Variants in PFKFB1 observed in about 807,000 individuals in gnomAD.
The protein encoded by PFKFB1 is 6-phosphofructo-2-kinase/fructose-2,6-biphosphatase 1.
A neutral mutation model predicts 46.4 loss-of-function variants in PFKFB1; 34 were observed. That is an observed-to-expected ratio of 0.73 (90% CI 0.56 to 0.98). The LOEUF is 0.98. PFKFB1 is among the 50% of genes least tolerant of loss of function. PFKFB1 has a pLI of 0.00. For missense variants in PFKFB1, 393 were observed against 376.3 expected (o/e 1.04, Z -0.37); for synonymous variants, 119 against 133.8 (o/e 0.89, Z 0.76).
intron 7 of PFKFB1, among the ~76,000 whole-genome samples, chrX:54,955,197 T>C (rs775036825): frequency 1.8e-5 from 2 of 111,653 alleles, no homozygotes; most frequent in South Asian, 7.6e-4. Context: ...ACTCATTCAT[T>C]GTGTAGCCCA....
At chrX:54,985,336 A>G (rs1418029980) in intron 1 of PFKFB1, among the ~76,000 whole-genome samples, 1 of 111,727 alleles carries the variant, frequency 9.0e-6, no homozygotes, top group Non-Finnish European at 1.9e-5. Context: ...ACAAAAAACA[A>G]AAACAAAATA....
rs369550583 is a variant in PFKFB1 at position 54,952,060 on chromosome X, G to A, written c.691C>T (p.Arg231Ter). ...FDVGTRYMVN[R>*]VQDHIQSRTV... ...CGGCTCTGGATGTGATCCTGCACTC[G>A]GTTCACCATGTAGCGTGTGCCCACG... The change falls in exon 8 of 14, where the codon CGA becomes TGA. Residue 231 changes from arginine (R) to a stop codon, truncating the protein, a stop_gained. Coordinates refer to ENST00000375006, the MANE Select transcript of PFKFB1 (RefSeq NM_002625.4). LOFTEE classifies it high-confidence loss of function. The A allele has an allele frequency of 2.7e-5, 33 of 1,209,703 alleles. No individual in the cohort carries two copies. The highest frequency in any genetic ancestry group is 3.6e-5 in the Non-Finnish European group (32 of 894,933).
chrX:54,936,947 T>C (rs182804647), intron 11 of PFKFB1, among the ~76,000 whole-genome samples: 134 of 111,126 alleles, frequency 1.2e-3, no homozygotes, highest in African/African-American at 4.3e-3. Flanking sequence ...TGGAATCTCA[T>C]GCCTGAAAGT....
At chrX:54,981,180 C>G (rs1374714230) in intron 1 of PFKFB1, among the ~76,000 whole-genome samples, 6 of 110,065 alleles carry the variant, frequency 5.5e-5, no homozygotes, top group Non-Finnish European at 1.1e-4. Flanking sequence ...AATTACAGTT[C>G]CAGAAAGAAA....
intron 9 of PFKFB1, among the ~76,000 whole-genome samples, chrX:54,946,695 GA>G (rs1371698295): frequency 1.8e-5 from 2 of 112,027 alleles, no homozygotes; most frequent in Admixed American, 9.4e-5. Context: ...GTCGCCTATG[GA>G]AATGGTCATT....
At chrX:54,954,091 A>G (rs1023999185) in intron 7 of PFKFB1, among the ~76,000 whole-genome samples, 3 of 112,002 alleles carry the variant, frequency 2.7e-5, no homozygotes, top group Admixed American at 9.4e-5. Context: ...TTTTTAAAAA[A>G]TTTTTAAATT....
At chrX:54,993,708 G>T (rs1225237039) in intron 1 of PFKFB1, among the ~76,000 whole-genome samples, 1 of 112,069 alleles carries the variant, frequency 8.9e-6, no homozygotes, top group African/African-American at 3.2e-5. Context: ...ATCCTCCTTT[G>T]TCTTCATCTC....
At chrX:54,935,382 A>G (rs1392617597) in intron 11 of PFKFB1, among the ~76,000 whole-genome samples, 2 of 111,648 alleles carry the variant, frequency 1.8e-5, no homozygotes, top group East Asian at 2.9e-4. Context: ...CCCACAGTTC[A>G]CGTCAGCAAG....
intron 1 of PFKFB1, among the ~76,000 whole-genome samples, chrX:54,988,971 C>A (rs1485086874): frequency 8.9e-6 from 1 of 111,956 alleles, no homozygotes; most frequent in Non-Finnish European, 1.9e-5. Flanking sequence ...AAGAAACGAG[C>A]CAGATACAAA....
At chrX:54,971,647 T>G (rs1158352476) in intron 1 of PFKFB1, among the ~76,000 whole-genome samples, 38 of 112,127 alleles carry the variant, frequency 3.4e-4, no homozygotes, top group Non-Finnish European at 5.3e-4. Context: ...CAGATAGTTG[T>G]AGATATGCGG....
chrX:54,953,347 G>A (rs781655411), intron 7 of PFKFB1, among the ~76,000 whole-genome samples: 1 of 112,195 alleles, frequency 8.9e-6, no homozygotes, highest in South Asian at 3.7e-4. Context: ...GCCCTTTATG[G>A]CTGCACCACA....
At chrX:54,952,210 C>T (rs1934006802) in intron 7 of PFKFB1, 98 bp from the exon 8 acceptor site, 1 of 608,190 alleles carries the variant, frequency 1.6e-6, no homozygotes, top group South Asian at 2.6e-5. Context: ...TTTCAAACCT[C>T]TTCCACAACC....
At chrX:54,998,525 G>A (rs774188691), upstream of PFKFB1, 8 of 760,897 alleles carry the variant, frequency 1.1e-5, no homozygotes, top group South Asian at 1.4e-4. Context: ...GGAGGTGTTC[G>A]TTGGTTCCCT....
At chrX:54,949,321 T>C (rs1933895955) in intron 8 of PFKFB1, 100 bp from the exon 9 acceptor site, 1 of 642,627 alleles carries the variant, frequency 1.6e-6, no homozygotes, top group Admixed American at 3.6e-5. Context: ...ACAAATTGAG[T>C]GGTGATGAAC....
chrX:54,957,857 A>C (rs1241913459), intron 6 of PFKFB1, among the ~76,000 whole-genome samples: 1 of 111,396 alleles, frequency 9.0e-6, no homozygotes, highest in Admixed American at 9.5e-5. Context: ...CATGTCTAGA[A>C]TCTAAGAGCA....
intron 9 of PFKFB1, 91 bp downstream of exon 9, chrX:54,948,984 T>G: frequency 3.0e-6 from 3 of 1,002,972 alleles, no homozygotes; most frequent in Non-Finnish European, 2.7e-6. Context: ...TTAATTAGGC[T>G]CCCCATAGGG....
At chrX:54,971,451 TA>T (rs1475577802) in intron 1 of PFKFB1, among the ~76,000 whole-genome samples, 26 of 111,118 alleles carry the variant, frequency 2.3e-4, no homozygotes, top group Admixed American at 8.6e-4. Context: ...GGTTTTCTTC[TA>T]GGGTTTTTAT....
chrX:54,972,602 G>T (rs1327712189), intron 1 of PFKFB1, among the ~76,000 whole-genome samples: 2 of 111,440 alleles, frequency 1.8e-5, no homozygotes, highest in Non-Finnish European at 3.8e-5. Context: ...TAATCATGTG[G>T]TTTTTGTCTT....
intron 11 of PFKFB1, among the ~76,000 whole-genome samples, chrX:54,936,937 T>C (rs927765853): frequency 1.8e-5 from 2 of 111,272 alleles, no homozygotes; most frequent in Admixed American, 1.9e-4. Context: ...ACATTGGAAA[T>C]GGAATCTCAT....
Sources: gnomAD v4.1 joint callset for allele counts (sites outside exome capture counted in the v4.1 genomes callset) on GRCh38, gnomAD v4.1.1 for gene constraint, MANE v1.5 for transcripts, NCBI Gene and HGNC (gene_info 2026-07-23, HGNC 2026-07-21) for gene names.